The following PLCB4 variants were observed in gnomAD, a reference collection of about 807,000 sequenced individuals.
PLCB4 encodes phospholipase C beta 4.
PLCB4 carries 77 observed loss-of-function variants against 178.8 expected under a neutral mutation model. That is an observed-to-expected ratio of 0.43 (90% CI 0.36 to 0.52). The LOEUF (loss-of-function observed/expected upper bound fraction) is 0.52, where lower values mean the gene tolerates loss of function less well. Among genes scored for constraint, PLCB4 ranks in the 20% least tolerant of loss-of-function variants. The pLI, the probability that PLCB4 is intolerant of heterozygous loss-of-function variation, is 0.00. For missense variants in PLCB4, 1,024 were observed against 1,453.4 expected (o/e 0.70, Z 4.80); for synonymous variants, 496 against 490.8 (o/e 1.01, Z -0.14).
At chr20:9,332,106 G>T in intron 4 of PLCB4, among the ~76,000 whole-genome samples, 1 of 152,174 alleles carries the variant, frequency 6.6e-6, no homozygotes, top group Admixed American at 6.5e-5. Context: ...TTCTCTTATG[G>T]TTTGTTTCTT....
chr20:9,083,466 CTT>C (rs753280102), intron 1 of PLCB4, among the ~76,000 whole-genome samples: 6 of 139,240 alleles, frequency 4.3e-5, no homozygotes, highest in Non-Finnish European at 6.1e-5. Flanking sequence ...ATATTTTTGT[CTT>C]TACTGGATGG....
intron 9 of PLCB4, 69 bp downstream of exon 9, chr20:9,365,583 A>G (rs908446183): frequency 3.2e-5 from 28 of 867,288 alleles, no homozygotes; most frequent in East Asian, 2.5e-4. Context: ...CAAAGAGAGA[A>G]CCCTTCACAA....
At chr20:9,110,648 A>G (rs888952190) in intron 2 of PLCB4, among the ~76,000 whole-genome samples, 1 of 152,138 alleles carries the variant, frequency 6.6e-6, no homozygotes, top group South Asian at 2.1e-4. Flanking sequence ...CGTTTCTTTT[A>G]TAGCTGGCCT....
chr20:9,237,049 T>C (rs2094000882), intron 3 of PLCB4, among the ~76,000 whole-genome samples: 1 of 152,166 alleles, frequency 6.6e-6, no homozygotes. Flanking sequence ...AATGTGACAT[T>C]CTCCCACAGG....
At chr20:9,430,185 A>G (rs565396622) in intron 28 of PLCB4, among the ~76,000 whole-genome samples, 1 of 152,268 alleles carries the variant, frequency 6.6e-6, no homozygotes, top group Non-Finnish European at 1.5e-5. Flanking sequence ...CCTGGGCCAC[A>G]TGTGGCCTGT....
chr20:9,177,288 C>T (rs1259746748), intron 2 of PLCB4, among the ~76,000 whole-genome samples: 1 of 152,056 alleles, frequency 6.6e-6, no homozygotes, highest in Non-Finnish European at 1.5e-5. Flanking sequence ...GAATAGTGTT[C>T]CTGGAGTGTG....
chr20:9,431,990 A>G (rs2041451277), intron 28 of PLCB4, among the ~76,000 whole-genome samples: 1 of 152,184 alleles, frequency 6.6e-6, no homozygotes, highest in Non-Finnish European at 1.5e-5. Flanking sequence ...TTTTGCACTA[A>G]GATATTCCTA....
chr20:9,220,163 C>A (rs2093780243), intron 3 of PLCB4, among the ~76,000 whole-genome samples: 1 of 152,180 alleles, frequency 6.6e-6, no homozygotes, highest in African/African-American at 2.4e-5. Flanking sequence ...TTGGCTCTTG[C>A]TGAAGAGGAA....
Position 9,436,941 on chromosome 20 carries a change from G to A in PLCB4, c.2614-61G>A, listed in dbSNP as rs184037363. The stretch of plus-strand genomic sequence containing the variant: ...TACTGGATTCAGTAAAATAAAGAAT[G>A]TACAAGATATTTGACCTTGAGTGAC... On this transcript the variant is annotated intron_variant, in intron 29 of 39. Coordinates refer to ENST00000378473, the MANE Select transcript of PLCB4 (RefSeq NM_001377142.1). The A allele has an allele frequency of 1.1e-5, 16 of 1,487,698 alleles. No homozygotes were observed. In the African/African-American group the frequency reaches 1.4e-4, roughly 13 times the overall value. The allele number at this position is 1,487,698 out of a possible 1,614,324, so 92.2% of individuals were successfully genotyped here. A position where few individuals can be genotyped will look rare whatever the true frequency, so the allele number is the denominator to read the frequency against.
intron 3 of PLCB4, among the ~76,000 whole-genome samples, chr20:9,282,312 A>G (rs757711258): frequency 1.8e-4 from 28 of 152,098 alleles, no homozygotes; most frequent in Non-Finnish European, 4.0e-4. Flanking sequence ...AATAGGATAT[A>G]AACATTTCTC....
At position 9,401,577 on chromosome 20, in the gene PLCB4, A is replaced by G; in HGVS notation, c.1598A>G (p.Asn533Ser). The part of the protein sequence containing the change: ...DDLGHKEAVA[N>S]SVKKASDDLE... Reference sequence around the variant, plus strand: ...TTGGGTCACAAGGAAGCTGTTGCAAATAGCGTCAAGAAGGTCAGAGTCCCC... The same window carrying G: ...TTGGGTCACAAGGAAGCTGTTGCAAGTAGCGTCAAGAAGGTCAGAGTCCCC... Residue 533 changes from asparagine (N) to serine (S), a missense_variant, in exon 20 of 40, where the codon AAT becomes AGT. Transcript: ENST00000378473. The G allele has an allele frequency of 1.9e-6, 3 of 1,611,828 alleles. No homozygotes were observed. The highest frequency in any genetic ancestry group is 2.5e-6 in the Non-Finnish European group (3 of 1,178,078).
chr20:9,238,783 A>G (rs1472683110), intron 3 of PLCB4, among the ~76,000 whole-genome samples: 1 of 152,242 alleles, frequency 6.6e-6, no homozygotes, highest in Non-Finnish European at 1.5e-5. Context: ...CTGGATAGCC[A>G]ATTGGGCTGG....
chr20:9,110,194 G>A (rs2146685130), intron 2 of PLCB4, among the ~76,000 whole-genome samples: 1 of 152,050 alleles, frequency 6.6e-6, no homozygotes. Context: ...ATATTGTCTG[G>A]AATTGTTTTT....
At chr20:9,189,495 T>C (rs1466134560) in intron 2 of PLCB4, among the ~76,000 whole-genome samples, 2 of 151,336 alleles carry the variant, frequency 1.3e-5, no homozygotes, top group Admixed American at 6.6e-5. Context: ...AGTGACATTC[T>C]GGGTTGGTTA....
chr20:9,265,013 G>A (rs1345874047), intron 3 of PLCB4, among the ~76,000 whole-genome samples: 4 of 152,146 alleles, frequency 2.6e-5, no homozygotes, highest in African/African-American at 9.7e-5. Context: ...CCAAGAATCT[G>A]ACTATTTAAG....
At chr20:9,307,384 C>T (rs977861884) in intron 3 of PLCB4, among the ~76,000 whole-genome samples, 1 of 152,096 alleles carries the variant, frequency 6.6e-6, no homozygotes, top group African/African-American at 2.4e-5. Flanking sequence ...CATATGTTCA[C>T]CTTCAAGCCC....
chr20:9,075,174 T>A (rs1252279781), intron 1 of PLCB4, among the ~76,000 whole-genome samples: 1 of 152,136 alleles, frequency 6.6e-6, no homozygotes, highest in Admixed American at 6.5e-5. Context: ...AAGTTAGAAT[T>A]GAGACTGAAA....
chr20:9,258,984 G>A (rs1452202918), intron 3 of PLCB4, among the ~76,000 whole-genome samples: 1 of 152,110 alleles, frequency 6.6e-6, no homozygotes, highest in Non-Finnish European at 1.5e-5. Context: ...GGAAAAACTA[G>A]ACCAAGGAAT....
chr20:9,227,372 A>G (rs2093879956), intron 3 of PLCB4, among the ~76,000 whole-genome samples: 1 of 151,352 alleles, frequency 6.6e-6, no homozygotes, highest in Non-Finnish European at 1.5e-5. Flanking sequence ...AGATCCCTTC[A>G]TATTTTGTTG....
Sources: gnomAD v4.1 joint callset for allele counts (sites outside exome capture counted in the v4.1 genomes callset) on GRCh38, gnomAD v4.1.1 for gene constraint, MANE v1.5 for transcripts, NCBI Gene and HGNC (gene_info 2026-07-23, HGNC 2026-07-21) for gene names.